The following ATP8B4 variants were observed in gnomAD, a reference collection of about 807,000 sequenced individuals.
The protein encoded by ATP8B4 is ATPase phospholipid transporting 8B4 (putative).
In ATP8B4, 133 loss-of-function variants were observed where a neutral mutation model predicts 145.6. The observed-to-expected ratio is 0.91, with a 90% confidence interval of 0.79 to 1.05. The LOEUF (loss-of-function observed/expected upper bound fraction) is 1.05, where lower values mean the gene tolerates loss of function less well. Ranked by LOEUF, ATP8B4 falls within the 50% of genes least tolerant of loss-of-function variation. ATP8B4 has a pLI of 0.00. For missense variants in ATP8B4, 1,458 were observed against 1,425.2 expected (o/e 1.02, Z -0.37); for synonymous variants, 507 against 492.9 (o/e 1.03, Z -0.38).
chr15:49,965,494 G>A (rs2044446935), intron 13 of ATP8B4, among the ~76,000 whole-genome samples: 1 of 151,812 alleles, frequency 6.6e-6, no homozygotes, highest in Non-Finnish European at 1.5e-5. Context: ...CTCAGCAGAA[G>A]GAACAATCTG....
Position 50,051,105 on chromosome 15 carries a change from G to A in ATP8B4, c.88-3641C>T, listed in dbSNP as rs75074394. On this transcript the variant is annotated intron_variant, in intron 3 of 27. Transcript: ENST00000284509. ...CACATGTCGTAGGAGGGACCCGATG[G>A]GAGATAACTGAATCATTAGAGTGGT... 4.3e-3 allele frequency among the ~76,000 whole-genome samples: 658 copies of A among 152,214 alleles called. 5 individuals are homozygous for A. The highest frequency in any genetic ancestry group is 0.015 in the African/African-American group (638 of 41,522).
intron 8 of ATP8B4, among the ~76,000 whole-genome samples, chr15:50,001,607 T>C (rs2047900919): frequency 1.3e-5 from 2 of 152,222 alleles, no homozygotes; most frequent in South Asian, 4.1e-4. Context: ...ATAGTGTCAT[T>C]AAAATGTAAG....
At chr15:49,989,649 T>C (rs2046898029) in intron 9 of ATP8B4, among the ~76,000 whole-genome samples, 1 of 151,776 alleles carries the variant, frequency 6.6e-6, no homozygotes, top group Non-Finnish European at 1.5e-5. Flanking sequence ...CCTGGGTTCT[T>C]GGAGGCTAAG....
intron 1 of ATP8B4, among the ~76,000 whole-genome samples, chr15:50,165,432 T>C (rs983700973): frequency 2.6e-5 from 4 of 152,206 alleles, no homozygotes; most frequent in African/African-American, 9.7e-5. Flanking sequence ...CTTATGAACA[T>C]GTTTCTTTTG....
chr15:49,877,737 A>C (rs919192134), intron 24 of ATP8B4, among the ~76,000 whole-genome samples: 1 of 152,206 alleles, frequency 6.6e-6, no homozygotes, highest in African/African-American at 2.4e-5. Flanking sequence ...CACCTCCCAC[A>C]TGGAACTATC....
At chr15:50,022,121 T>C (rs1382459187) in intron 6 of ATP8B4, among the ~76,000 whole-genome samples, 1 of 148,232 alleles carries the variant, frequency 6.7e-6, no homozygotes, top group Non-Finnish European at 1.5e-5. Context: ...TTGCATATAT[T>C]GCATGGGCTC....
intron 3 of ATP8B4, among the ~76,000 whole-genome samples, chr15:50,057,951 GTTTAC>G (rs1342695367): frequency 2.6e-5 from 4 of 152,048 alleles, no homozygotes; most frequent in Non-Finnish European, 5.9e-5. Flanking sequence ...GCAGTAAAAT[GTTTAC>G]TTTCTTTTTG....
chr15:50,126,280 C>T (rs996974251), intron 1 of ATP8B4, among the ~76,000 whole-genome samples: 2 of 150,856 alleles, frequency 1.3e-5, no homozygotes, highest in African/African-American at 4.9e-5. Context: ...CTGTCAGAGG[C>T]GTCCAAGGCC....
chr15:49,880,601 A>G (rs1465465535), intron 23 of ATP8B4: 1 of 152,230 alleles, frequency 6.6e-6, no homozygotes, highest in Non-Finnish European at 1.5e-5. Flanking sequence ...TCTGGATGCT[A>G]TGCTGAGAAG....
intron 1 of ATP8B4, among the ~76,000 whole-genome samples, chr15:50,178,911 C>A (rs930675977): frequency 6.6e-6 from 1 of 151,936 alleles, no homozygotes; most frequent in Non-Finnish European, 1.5e-5. Context: ...ATTAAGAAGT[C>A]GTTACTTATT....
intron 13 of ATP8B4, among the ~76,000 whole-genome samples, chr15:49,963,101 G>A (rs941921658): frequency 6.6e-6 from 1 of 151,602 alleles, no homozygotes; most frequent in African/African-American, 2.4e-5. Context: ...ATTAAAATGT[G>A]GGCAAAGGAC....
intron 23 of ATP8B4, among the ~76,000 whole-genome samples, chr15:49,890,763 A>G (rs1156484171): frequency 6.6e-6 from 1 of 152,214 alleles, no homozygotes; most frequent in East Asian, 1.9e-4. Context: ...CCAGTGAAAA[A>G]CAGGGAATGG....
At chr15:49,952,288 C>A (rs2043173136) in intron 14 of ATP8B4, among the ~76,000 whole-genome samples, 2 of 152,238 alleles carry the variant, frequency 1.3e-5, no homozygotes, top group South Asian at 2.1e-4. Flanking sequence ...TAAAGTGTTT[C>A]TTTTCAGATT....
chr15:50,007,885 A>C (rs2048429624), intron 7 of ATP8B4, among the ~76,000 whole-genome samples: 3 of 152,204 alleles, frequency 2.0e-5, no homozygotes, highest in Non-Finnish European at 4.4e-5. Context: ...GAACAAAATT[A>C]CCTAATCAAG....
At chr15:49,981,161 CTAAGA>C (rs1042954298) in intron 11 of ATP8B4, 40 bp downstream of exon 11, 3 of 1,403,428 alleles carry the variant, frequency 2.1e-6, no homozygotes, top group Non-Finnish European at 3.0e-6. Context: ...AGTAAATGTA[CTAAGA>C]TAACAATGAC....
At chr15:50,053,771 A>C (rs2052369334) in intron 3 of ATP8B4, among the ~76,000 whole-genome samples, 1 of 152,108 alleles carries the variant, frequency 6.6e-6, no homozygotes. Flanking sequence ...AAAAATGACA[A>C]ATTTTTCAGA....
chr15:49,925,276 T>G (rs905506859), intron 16 of ATP8B4, among the ~76,000 whole-genome samples: 14 of 152,258 alleles, frequency 9.2e-5, no homozygotes, highest in African/African-American at 3.4e-4. Flanking sequence ...GTTTGGAGAT[T>G]GGCATTATTT....
At chr15:50,114,335 G>T (rs1406808818) in intron 1 of ATP8B4, 5 of 151,794 alleles carry the variant, frequency 3.3e-5, no homozygotes, top group Non-Finnish European at 7.4e-5. Context: ...TCATAGCTTA[G>T]CTCCCACTTA....
Position 50,002,179 on chromosome 15 carries a change from A to C in ATP8B4, c.480T>G (p.Cys160Trp), listed in dbSNP as rs535184504. ...LLSSSEPHGL[C>W]YVETAELDGE... Reference sequence around the variant, plus strand: ...CATCAAGCTCAGCAGTTTCAACATAACAGAGACCATGTGGCTCACTACTTG... The same window carrying C: ...CATCAAGCTCAGCAGTTTCAACATACCAGAGACCATGTGGCTCACTACTTG... Residue 160 changes from cysteine (C) to tryptophan (W), a missense_variant, in exon 8 of 28, where the codon TGT becomes TGG. By Grantham distance (215) the Cys-to-Trp change is radical (BLOSUM62 -2). Coordinates refer to ENST00000284509, the MANE Select transcript of ATP8B4 (RefSeq NM_024837.4). The C allele has an allele frequency of 6.2e-7, 1 of 1,611,254 alleles. No individual in the cohort carries two copies. Among genetic ancestry groups the C allele is most frequent in the African/African-American group, 1.3e-5 (1 of 74,942 alleles).
Sources: allele counts gnomAD v4.1 joint callset (sites outside exome capture counted in the v4.1 genomes callset), GRCh38; gene constraint gnomAD v4.1.1; transcripts MANE v1.5; gene names NCBI Gene and HGNC (gene_info 2026-07-23, HGNC 2026-07-21).